SMUG1: variants seen among roughly 807,000 people sequenced by gnomAD.
SMUG1 encodes the protein single-strand selective monofunctional uracil DNA glycosylase.
A neutral mutation model predicts 23.9 loss-of-function variants in SMUG1; 13 were observed. The ratio of observed to expected loss-of-function variants is 0.54; its 90% CI spans 0.35 to 0.86. The LOEUF is 0.86. Among genes scored for constraint, SMUG1 ranks in the 40% least tolerant of loss-of-function variants. The pLI is 0.01. For synonymous variants in SMUG1, 133 were observed against 139.8 expected (o/e 0.95, Z 0.34); for missense variants, 313 against 339.5 (o/e 0.92, Z 0.61).
At chr12:54,173,679 C>T (rs1361154048) in intron 2 of SMUG1, among the ~76,000 whole-genome samples, 10 of 151,832 alleles carry the variant, frequency 6.6e-5, no homozygotes, top group Admixed American at 2.0e-4. Flanking sequence ...GCCCCCGCCC[C>T]GCACGCTCCG....
chr12:54,159,497 C>T (rs1279367882), intron 4 of SMUG1, among the ~76,000 whole-genome samples: 1 of 152,216 alleles, frequency 6.6e-6, no homozygotes, highest in Non-Finnish European at 1.5e-5. Context: ...CTCCACCTGC[C>T]CCCAGTTCCC....
At position 54,166,913 on chromosome 12, in the gene SMUG1, C is replaced by T. The variant is rs1481846953; in HGVS notation, c.*53-1435G>A. Among the ~76,000 whole-genome samples, 4 of 152,210 alleles carry T rather than the reference C, an allele frequency of 2.6e-5. No individual in the cohort carries two copies. In the South Asian group the frequency reaches 6.2e-4, roughly 24 times the overall value. ...CCAAAAAATAGTCTCCACCCTCACA[C>T]GCCTGTGTGTGAAATGCATAGGTAT... On this transcript the variant is annotated intron_variant and NMD_transcript_variant, in intron 3 of 4. Transcript: ENST00000509864.
downstream of SMUG1, among the ~76,000 whole-genome samples, chr12:54,176,967 T>A (rs1383563854): frequency 6.6e-6 from 1 of 152,076 alleles, no homozygotes; most frequent in East Asian, 1.9e-4. Flanking sequence ...GGGACCTCCA[T>A]CATTCCTCTG....
intron 2 of SMUG1, chr12:54,187,085 T>A (rs1001035220): frequency 4.6e-5 from 7 of 152,204 alleles, no homozygotes; most frequent in African/African-American, 1.7e-4. Context: ...CACTTCTATA[T>A]CCTGAGTTCA....
In SMUG1 at chr12:54,186,630, G is replaced by A. The variant is rs1450538768; in HGVS notation, c.-20+1189C>T. Among the ~76,000 whole-genome samples the A allele has an allele frequency of 2.6e-5, 4 of 152,140 alleles. No individual in the cohort carries two copies. In the East Asian group the frequency reaches 5.8e-4, roughly 22 times the overall value. On this transcript the variant is annotated intron_variant, in intron 2 of 3. Transcript: ENST00000682136. ...GCTGGGATTACAAACGTGAGCTACC[G>A]TGCCCAGCCTGGGAATCTGTATTTT...
chr12:54,184,020 T>G, intron 2 of SMUG1, 61 bp from the exon 3 acceptor site: 1 of 1,367,182 alleles, frequency 7.3e-7, no homozygotes, highest in Non-Finnish European at 9.6e-7. Context: ...GAGGGATCCA[T>G]GCTTGCCAGG....
At chr12:54,167,649 C>T (rs553660738) in intron 3 of SMUG1, among the ~76,000 whole-genome samples, 93 of 152,288 alleles carry the variant, frequency 6.1e-4, no homozygotes, top group African/African-American at 2.0e-3. Flanking sequence ...GCATGCAAAG[C>T]CCTCCTTAAT....
At chr12:54,187,349 C>CCTGA (rs370306027) in intron 2 of SMUG1, 51 of 152,318 alleles carry the variant, frequency 3.3e-4, no homozygotes, top group African/African-American at 1.2e-3. Context: ...GAAGTCCTTC[C>CCTGA]CTGACTGTCT....
intron 2 of SMUG1, among the ~76,000 whole-genome samples, chr12:54,185,492 ATAAATAAATAAATAAATAAATAAAT>A (rs1942194340): frequency 7.9e-5 from 7 of 88,122 alleles, no homozygotes; most frequent in African/African-American, 2.2e-4. Flanking sequence ...TAAAAAATAA[ATAAATAAATAAATAAATAAATAAAT>A]AAATAAATAA....
chr12:54,163,706 G>C (rs1256032585), downstream of SMUG1, among the ~76,000 whole-genome samples: 1 of 152,168 alleles, frequency 6.6e-6, no homozygotes, highest in Non-Finnish European at 1.5e-5. Flanking sequence ...AGGCAAGCAG[G>C]CCTGCATTCA....
chr12:54,158,568 C>T (rs560267724), intron 4 of SMUG1, among the ~76,000 whole-genome samples: 10 of 152,212 alleles, frequency 6.6e-5, no homozygotes, highest in African/African-American at 1.9e-4. Flanking sequence ...CACCTCAGTG[C>T]CCCCGGGGAG....
In SMUG1 at chr12:54,182,628, G is replaced by A. The variant is rs370951715; in HGVS notation, c.286-5C>T. On this transcript the variant is annotated splice_polypyrimidine_tract_variant and splice_region_variant and intron_variant, in intron 3 of 3. Coordinates refer to ENST00000682136, the MANE Select transcript of SMUG1 (RefSeq NM_001243787.2). ...GCTTACTTCCCCAAAGGGCACCTGT[G>A]AGGAAGGAGAGAGACATGAAAGGCT... is the stretch of plus-strand genomic sequence containing the variant. 1.5e-5 allele frequency: 24 copies of A among 1,599,318 alleles called. No homozygotes were observed. In the Admixed American group the frequency reaches 1.6e-4, roughly 10 times the overall value.
chr12:54,184,869 T>C (rs1165862815), intron 2 of SMUG1, among the ~76,000 whole-genome samples: 2 of 152,206 alleles, frequency 1.3e-5, no homozygotes, highest in Non-Finnish European at 2.9e-5. Flanking sequence ...CTTAATAATG[T>C]TGACATAAGG....
At chr12:54,172,176 C>T (rs186611643) in intron 2 of SMUG1, 20 of 433,012 alleles carry the variant, frequency 4.6e-5, no homozygotes, top group African/African-American at 3.2e-4. Flanking sequence ...TCCCATGTTA[C>T]TCGGAGTGTG....
intron 3 of SMUG1, chr12:54,168,539 T>C (rs1592346930): frequency 6.6e-6 from 1 of 152,232 alleles, no homozygotes; most frequent in South Asian, 2.1e-4. Context: ...ACAGGGAAAC[T>C]GAATGCCTAA....
intron 2 of SMUG1, among the ~76,000 whole-genome samples, chr12:54,185,052 T>C (rs142161054): frequency 5.8e-4 from 88 of 152,222 alleles, no homozygotes; most frequent in African/African-American, 2.0e-3. Context: ...CTCAAGCCTG[T>C]AATCCCAGCA....
At chr12:54,165,020 T>C (rs569364776) in intron 4 of SMUG1, 1 of 152,290 alleles carries the variant, frequency 6.6e-6, no homozygotes, top group Non-Finnish European at 1.5e-5. Flanking sequence ...AGGCCTACGA[T>C]GGTAAGTACC....
rs560969876 is a variant in SMUG1 at position 54,184,053 on chromosome 12, C to A, written c.-19-94G>T. ...AGGGCCCCCACTACCATTTCCTGGG[C>A]TCAGAAGGGACCCTAAGAGACCATG... On this transcript the variant is annotated intron_variant, in intron 2 of 3. Coordinates refer to ENST00000682136, the MANE Select transcript of SMUG1 (RefSeq NM_001243787.2). 1.4e-5 allele frequency: 15 copies of A among 1,088,534 alleles called. No homozygotes were observed. In the Admixed American group the frequency reaches 1.8e-4, roughly 13 times the overall value. 67.4% of individuals were successfully genotyped at this position (1,088,534 alleles called of 1,614,324 possible).
At chr12:54,164,730 C>T (rs1940390067), downstream of SMUG1, 1 of 152,242 alleles carries the variant, frequency 6.6e-6, no homozygotes. Flanking sequence ...GGGGTCCACA[C>T]CTCCTTCTGG....
Sources: gnomAD v4.1 joint callset for allele counts (sites outside exome capture counted in the v4.1 genomes callset) on GRCh38, gnomAD v4.1.1 for gene constraint, MANE v1.5 for transcripts, NCBI Gene and HGNC (gene_info 2026-07-23, HGNC 2026-07-21) for gene names.